Variants in CFAP20DC observed in about 807,000 individuals in gnomAD.
CFAP20DC encodes CFAP20 domain containing.
Under a neutral mutation model 101.7 loss-of-function variants are expected in CFAP20DC, and 84 were observed. That is an observed-to-expected ratio of 0.83 (90% CI 0.69 to 0.99). The LOEUF (loss-of-function observed/expected upper bound fraction) is 0.99. CFAP20DC is among the 50% of genes least tolerant of loss of function. The probability of loss-of-function intolerance (pLI) is 0.00; values close to 1 mark genes in which losing one functional copy is unlikely to be tolerated. For missense variants in CFAP20DC, 1,007 were observed against 970.3 expected (o/e 1.04, Z -0.50); for synonymous variants, 359 against 351.2 (o/e 1.02, Z -0.25).
chr3:58,946,745 A>C (rs1244071915), intron 4 of CFAP20DC, among the ~76,000 whole-genome samples: 2 of 152,182 alleles, frequency 1.3e-5, no homozygotes, highest in African/African-American at 2.4e-5. Context: ...ACGCAGAAGA[A>C]AGCCAAGATT....
intron 15 of CFAP20DC, among the ~76,000 whole-genome samples, chr3:58,801,792 A>G (rs1276084963): frequency 2.0e-5 from 3 of 152,248 alleles, no homozygotes; most frequent in Non-Finnish European, 4.4e-5. Context: ...AATTATGGTT[A>G]TAAGTGTGTT....
At chr3:58,879,380 ATTAAATGTATAGACTATGTAAAGGG>A (rs1475744607) in intron 7 of CFAP20DC, among the ~76,000 whole-genome samples, 1 of 152,212 alleles carries the variant, frequency 6.6e-6, no homozygotes, top group African/African-American at 2.4e-5. Context: ...GTGAAAGAGG[ATTAAATGTATAGACTATGTAAAGGG>A]TTCAGTGCTT....
rs1231375735 is a variant in CFAP20DC at position 59,015,893 on chromosome 3, G to A, written c.278+23664C>T. ...AAGCCTGAGGTTGGGATTCTCTTTTGAAGCAATGGGCGAGGAACATATGGC... is the reference window on the plus strand; with the variant it reads ...AAGCCTGAGGTTGGGATTCTCTTTTAAAGCAATGGGCGAGGAACATATGGC... On this transcript the variant is annotated intron_variant, in intron 4 of 16. Transcript: ENST00000482387. This position sits in a 1 kb window ranked among gnomAD's most constrained non-coding sequence, Gnocchi z 5.4. Among the ~76,000 whole-genome samples, 1 of 152,090 alleles carries A rather than the reference G, an allele frequency of 6.6e-6. No individual in the cohort carries two copies.
At chr3:58,966,704 T>C (rs1189012261) in intron 4 of CFAP20DC, among the ~76,000 whole-genome samples, 2 of 151,852 alleles carry the variant, frequency 1.3e-5, no homozygotes, top group African/African-American at 4.8e-5. Flanking sequence ...TTTGTATTTT[T>C]AGTAGAGACG....
intron 16 of CFAP20DC, among the ~76,000 whole-genome samples, chr3:58,744,165 T>C (rs1002895579): frequency 3.3e-5 from 5 of 152,192 alleles, no homozygotes; most frequent in Admixed American, 6.5e-5. Context: ...TCTCATGTAG[T>C]AGTTCATTTG....
At chr3:58,889,523 CT>C (rs953083506) in intron 6 of CFAP20DC, among the ~76,000 whole-genome samples, 37 of 144,398 alleles carry the variant, frequency 2.6e-4, no homozygotes, top group Admixed American at 1.1e-3. Flanking sequence ...ATTCGCCAAT[CT>C]TTTTTTTTTC....
At chr3:58,875,076 G>A (rs902024533) in intron 7 of CFAP20DC, among the ~76,000 whole-genome samples, 20 of 152,218 alleles carry the variant, frequency 1.3e-4, no homozygotes, top group African/African-American at 4.3e-4. Context: ...ACTCCAGGAC[G>A]TGAGGGATGA....
At chr3:58,825,474 ATTTG>A (rs1038793152) in intron 14 of CFAP20DC, among the ~76,000 whole-genome samples, 5 of 152,062 alleles carry the variant, frequency 3.3e-5, no homozygotes, top group African/African-American at 1.2e-4. Flanking sequence ...TAGAGTTTAT[ATTTG>A]TTTGGGCATC....
intron 1 of CFAP20DC, among the ~76,000 whole-genome samples, chr3:59,048,450 C>T (rs539299831): frequency 6.6e-6 from 1 of 152,112 alleles, no homozygotes; most frequent in Non-Finnish European, 1.5e-5. Flanking sequence ...AAATTTGAGA[C>T]AGCTAGTTGT....
chr3:58,961,215 T>C (rs142844935), intron 4 of CFAP20DC, among the ~76,000 whole-genome samples: 281 of 152,356 alleles, frequency 1.8e-3, no homozygotes, highest in African/African-American at 6.5e-3. Flanking sequence ...TTGTGATGTC[T>C]TCATTGTCTT....
intron 16 of CFAP20DC, among the ~76,000 whole-genome samples, chr3:58,752,033 A>G (rs2068611534): frequency 6.6e-6 from 1 of 152,172 alleles, no homozygotes; most frequent in South Asian, 2.1e-4. Flanking sequence ...TGGAAACTTG[A>G]GCCCATAATT....
At position 58,866,684 on chromosome 3, in the gene CFAP20DC, G is replaced by A. The variant is rs1476107925; in HGVS notation, c.1140C>T (p.Ser380=). 6.4e-7 allele frequency: 1 copy of A among 1,560,294 alleles called. No individual in the cohort carries two copies. Among genetic ancestry groups the A allele is most frequent in the Non-Finnish European group, 8.8e-7 (1 of 1,134,026 alleles). ...SRERTETPSG[S]SSGNNRIEDK... ...CTTCAATCCTATTATTTCCTGAAGA[G>A]CTACCTTTATTGAGATAAATATTTT... Residue 380 remains serine, a synonymous_variant, in exon 11 of 17, where the codon AGC becomes AGT. Coordinates refer to ENST00000482387, the MANE Select transcript of CFAP20DC (RefSeq NM_001394063.1).
At chr3:58,997,462 C>G (rs895833507) in intron 4 of CFAP20DC, among the ~76,000 whole-genome samples, 8 of 152,142 alleles carry the variant, frequency 5.3e-5, no homozygotes, top group Non-Finnish European at 1.2e-4. Context: ...AGTTGAGAGA[C>G]AGCACTCCTA....
chr3:58,802,023 CCCCT>C (rs1365399082), intron 15 of CFAP20DC, among the ~76,000 whole-genome samples: 3 of 152,158 alleles, frequency 2.0e-5, no homozygotes, highest in African/African-American at 7.2e-5. Context: ...TTCCTCCCTC[CCCCT>C]AATTTTCCAA....
rs188559140 is a variant in CFAP20DC, at chr3:58,939,748, G to A, written c.279-1986C>T. On this transcript the variant is annotated intron_variant, in intron 4 of 16. Coordinates refer to ENST00000482387, the MANE Select transcript of CFAP20DC (RefSeq NM_001394063.1). Reference sequence around the variant, plus strand: ...GCTGGGATTACAGGTGTGAGTCACCGTGCCCGGCCCATTTTTTTTTTTTTT... The same window carrying A: ...GCTGGGATTACAGGTGTGAGTCACCATGCCCGGCCCATTTTTTTTTTTTTT... Among the ~76,000 whole-genome samples, 1,035 of 145,960 alleles carry A rather than the reference G, an allele frequency of 7.1e-3. 12 individuals are homozygous for A. The highest frequency in any genetic ancestry group is 0.025 in the African/African-American group (994 of 39,196).
At chr3:58,876,560 G>C (rs1196419643) in intron 7 of CFAP20DC, among the ~76,000 whole-genome samples, 1 of 151,614 alleles carries the variant, frequency 6.6e-6, no homozygotes, top group East Asian at 1.9e-4. Context: ...CTTGGTGTAG[G>C]TCAGAGATGT....
At chr3:58,996,736 A>G (rs1159852109) in intron 4 of CFAP20DC, among the ~76,000 whole-genome samples, 1 of 152,230 alleles carries the variant, frequency 6.6e-6, no homozygotes, top group Non-Finnish European at 1.5e-5. Flanking sequence ...GAATTTTCCA[A>G]AGAAGGAAGG....
intron 4 of CFAP20DC, among the ~76,000 whole-genome samples, chr3:58,972,741 T>C (rs577872052): frequency 1.6e-4 from 25 of 152,324 alleles, no homozygotes; most frequent in East Asian, 5.8e-4. Flanking sequence ...CTCAGTTCTA[T>C]ACTCAATTTG....
chr3:59,021,024 T>C (rs958182817), intron 4 of CFAP20DC, among the ~76,000 whole-genome samples: 1 of 152,036 alleles, frequency 6.6e-6, no homozygotes. Flanking sequence ...CTCTCTTCTT[T>C]TGCTTGCTGA....
Sources: allele counts gnomAD v4.1 joint callset (sites outside exome capture counted in the v4.1 genomes callset), GRCh38; gene constraint gnomAD v4.1.1; non-coding constraint Gnocchi (gnomAD v3.1); transcripts MANE v1.5; gene names NCBI Gene and HGNC (gene_info 2026-07-23, HGNC 2026-07-21).